Variants in PPP2R3A observed in about 807,000 individuals in gnomAD.
PPP2R3A encodes protein phosphatase 2 regulatory subunit B''alpha, also known as serine/threonine-protein phosphatase 2A regulatory subunit B'' subunit alpha.
Under a neutral mutation model 106.9 loss-of-function variants are expected in PPP2R3A, and 80 were observed. The ratio of observed to expected loss-of-function variants is 0.75; its 90% CI spans 0.62 to 0.90. The LOEUF (loss-of-function observed/expected upper bound fraction) is 0.90, where lower values mean the gene tolerates loss of function less well. Ranked by LOEUF, PPP2R3A falls within the 40% of genes least tolerant of loss-of-function variation. The pLI is 0.00. For missense variants in PPP2R3A, 1,386 were observed against 1,350.4 expected (o/e 1.03, Z -0.41); for synonymous variants, 483 against 468.3 (o/e 1.03, Z -0.41).
At chr3:136,099,785 T>A (rs2107962320) in intron 10 of PPP2R3A, among the ~76,000 whole-genome samples, 1 of 152,220 alleles carries the variant, frequency 6.6e-6, no homozygotes, top group African/African-American at 2.4e-5. Context: ...ATTAATTTTG[T>A]TGTATATCTG....
At chr3:136,101,845 G>C (rs1937368067) in intron 10 of PPP2R3A, among the ~76,000 whole-genome samples, 162 bp from the exon 11 acceptor site, 1 of 152,162 alleles carries the variant, frequency 6.6e-6, no homozygotes, top group South Asian at 2.1e-4. Context: ...GAAAAATAAA[G>C]GGAAGAAGGG....
rs973599590 is a variant in PPP2R3A, at chr3:136,101,965, G to A, written c.2928-42G>A. On this transcript the variant is annotated intron_variant, in intron 10 of 13. Transcript: ENST00000264977. Reference sequence around the variant, plus strand: ...CATACTAAATCTGGATAAATAAAAGGTCTTTACCAGGCCCATGATAATGAT... The same window carrying A: ...CATACTAAATCTGGATAAATAAAAGATCTTTACCAGGCCCATGATAATGAT... The A allele has an allele frequency of 2.6e-6, 4 of 1,567,876 alleles. No individual in the cohort carries two copies. In the South Asian group the frequency reaches 4.6e-5, roughly 18 times the overall value.
intron 5 of PPP2R3A, among the ~76,000 whole-genome samples, chr3:136,057,346 C>T (rs935622699): frequency 1.5e-4 from 23 of 152,138 alleles, no homozygotes; most frequent in African/African-American, 5.3e-4. Context: ...AGAATGAAAT[C>T]CTGTCATTTG....
intron 2 of PPP2R3A, among the ~76,000 whole-genome samples, chr3:136,019,233 A>G (rs1458239258): frequency 2.6e-5 from 4 of 152,230 alleles, no homozygotes; most frequent in Non-Finnish European, 4.4e-5. Context: ...AGGGAGCAGG[A>G]GAAAATATTT....
chr3:136,079,843 G>T (rs1252269949), intron 7 of PPP2R3A, among the ~76,000 whole-genome samples: 3 of 150,548 alleles, frequency 2.0e-5, no homozygotes, highest in African/African-American at 7.3e-5. Context: ...ACTGGAAAAA[G>T]AACTCAAGTG....
rs111706892 is a variant in PPP2R3A at position 136,073,218 on chromosome 3, C to T, written c.2544+2666C>T. Among the ~76,000 whole-genome samples the T allele has an allele frequency of 4.2e-3, 632 of 152,284 alleles. 7 individuals are homozygous for T. Among genetic ancestry groups the T allele is most frequent in the African/African-American group, 0.014 (595 of 41,554 alleles). On this transcript the variant is annotated intron_variant, in intron 6 of 13. Transcript: ENST00000264977. ...TCCTGACCTCATGATCCGCCTGCCA[C>T]GGCCTCCCAAAGTGCTGGGATTACA...
rs561591724 is a variant in PPP2R3A at position 136,065,692 on chromosome 3, T to C, written c.2470-4786T>C. Reference sequence around the variant, plus strand: ...ATACACTAATATGCAAAATAAGAAATAACAAGGAGGATCTCGCTCTGTTTC... The same window carrying C: ...ATACACTAATATGCAAAATAAGAAACAACAAGGAGGATCTCGCTCTGTTTC... On this transcript the variant is annotated intron_variant, in intron 5 of 13. Transcript: ENST00000264977. Among the ~76,000 whole-genome samples the C allele has an allele frequency of 2.6e-5, 4 of 152,204 alleles. No homozygotes were observed. In the South Asian group the frequency reaches 8.3e-4, roughly 32 times the overall value.
intron 5 of PPP2R3A, among the ~76,000 whole-genome samples, chr3:136,063,293 A>C (rs145047349): frequency 6.6e-6 from 1 of 152,236 alleles, no homozygotes; most frequent in African/African-American, 2.4e-5. Flanking sequence ...AAAGACTTCA[A>C]TGTTAGACCT....
At position 136,103,394 on chromosome 3, in the gene PPP2R3A, A is replaced by T. The variant is rs548771404; in HGVS notation, c.3222+18A>T. 1.7e-5 allele frequency: 26 copies of T among 1,538,110 alleles called. No homozygotes were observed. In the East Asian group the frequency reaches 5.6e-4, roughly 33 times the overall value. On this transcript the variant is annotated intron_variant, in intron 12 of 13. Transcript: ENST00000264977. ...TCCAGAAGGTAACAGTATAATTTTA[A>T]CTTTTATTTGAGGGCTGCAGTGTCA...
intron 1 of PPP2R3A, among the ~76,000 whole-genome samples, chr3:135,970,793 T>C (rs1300827215): frequency 6.6e-6 from 1 of 152,216 alleles, no homozygotes; most frequent in East Asian, 1.9e-4. Context: ...CCTAACTTTT[T>C]AGGGATGTAG....
At chr3:136,082,755 C>A (rs1170032310) in intron 8 of PPP2R3A, among the ~76,000 whole-genome samples, 9 of 152,098 alleles carry the variant, frequency 5.9e-5, no homozygotes, top group Admixed American at 3.3e-4. Context: ...AATATGTATA[C>A]ACCTTTATAA....
chr3:136,074,125 TACTC>T (rs1161980923), intron 6 of PPP2R3A, among the ~76,000 whole-genome samples: 1 of 152,246 alleles, frequency 6.6e-6, no homozygotes, highest in African/African-American at 2.4e-5. Context: ...ATGCTAGTGT[TACTC>T]AGTTCTTTCA....
At position 136,001,377 on chromosome 3, in the gene PPP2R3A, A is replaced by G; in HGVS notation, c.-122A>G. 1 of 866,816 alleles carries G rather than the reference A, an allele frequency of 1.2e-6. No homozygotes were observed. The highest frequency in any genetic ancestry group is 2.5e-5 in the East Asian group (1 of 39,288). The allele number at this position is 866,816 out of a possible 1,614,324, so 53.7% of individuals were successfully genotyped here. ...TTCCCTTCATGGGAAAAGCCATTAT[A>G]TTTGGAAGAAACCACTGAACATTGT... On this transcript the variant is annotated 5_prime_UTR_variant, in exon 2 of 14. The change creates a new upstream start codon in the 5' untranslated region. Transcript: ENST00000264977.
intron 10 of PPP2R3A, among the ~76,000 whole-genome samples, chr3:136,100,591 A>G (rs1178306859): frequency 6.6e-6 from 1 of 152,028 alleles, no homozygotes; most frequent in East Asian, 1.9e-4. Flanking sequence ...AGGCAGAAGA[A>G]TCACTTGAAC....
At chr3:136,051,393 G>A (rs1250123027) in intron 5 of PPP2R3A, among the ~76,000 whole-genome samples, 3 of 152,146 alleles carry the variant, frequency 2.0e-5, no homozygotes, top group Non-Finnish European at 4.4e-5. Flanking sequence ...GCAATGGTGC[G>A]ATCTTGGCTC....
intron 6 of PPP2R3A, among the ~76,000 whole-genome samples, chr3:136,076,264 A>C (rs934248850): frequency 5.3e-5 from 8 of 152,200 alleles, no homozygotes; most frequent in African/African-American, 1.9e-4. Context: ...AACACAGAAC[A>C]AGTCAGCTTC....
intron 6 of PPP2R3A, among the ~76,000 whole-genome samples, chr3:136,076,804 G>A (rs1361110830): frequency 5.3e-5 from 8 of 152,078 alleles, no homozygotes; most frequent in Non-Finnish European, 7.4e-5. Context: ...AAAATTAGCC[G>A]GGCATGGTGG....
chr3:136,034,584 G>C (rs1235865925), intron 3 of PPP2R3A, among the ~76,000 whole-genome samples: 1 of 152,210 alleles, frequency 6.6e-6, no homozygotes, highest in Non-Finnish European at 1.5e-5. Flanking sequence ...TAGTCTGAGA[G>C]AGTGCTTGAT....
intron 5 of PPP2R3A, among the ~76,000 whole-genome samples, chr3:136,063,968 G>C (rs1470461459): frequency 6.6e-6 from 1 of 150,678 alleles, no homozygotes; most frequent in Non-Finnish European, 1.5e-5. Flanking sequence ...ACACGCACAT[G>C]TATGTTTATT....
Sources: allele counts gnomAD v4.1 joint callset (sites outside exome capture counted in the v4.1 genomes callset), GRCh38; gene constraint gnomAD v4.1.1; transcripts MANE v1.5; gene names NCBI Gene and HGNC (gene_info 2026-07-23, HGNC 2026-07-21).